The following HGSNAT variants were observed in gnomAD, a reference collection of about 807,000 sequenced individuals.
The protein encoded by HGSNAT is transmembrane protein 76.
In HGSNAT, 59 loss-of-function variants were observed where a neutral mutation model predicts 85.2. That is an observed-to-expected ratio of 0.69 (90% CI 0.56 to 0.86). The LOEUF (loss-of-function observed/expected upper bound fraction) is 0.86, where lower values mean the gene tolerates loss of function less well. HGSNAT is among the 40% of genes least tolerant of loss of function. HGSNAT has a pLI of 0.00. For missense variants in HGSNAT, 756 were observed against 777.1 expected (o/e 0.97, Z 0.32); for synonymous variants, 321 against 304.5 (o/e 1.05, Z -0.56).
At chr8:43,156,870 C>T (rs1586710113) in intron 2 of HGSNAT, among the ~76,000 whole-genome samples, 1 of 151,948 alleles carries the variant, frequency 6.6e-6, no homozygotes, top group Non-Finnish European at 1.5e-5. Flanking sequence ...TCATAGAATA[C>T]CTTTTTCCAT....
intron 11 of HGSNAT, among the ~76,000 whole-genome samples, chr8:43,183,742 C>T (rs1208099183): frequency 6.6e-6 from 1 of 152,118 alleles, no homozygotes; most frequent in Non-Finnish European, 1.5e-5. Context: ...CCCGTTAACT[C>T]GTCATTTACA....
chr8:43,197,104 C>T, intron 15 of HGSNAT, 79 bp downstream of exon 15: 1 of 964,354 alleles, frequency 1.0e-6, no homozygotes, highest in East Asian at 2.6e-5. Flanking sequence ...TGTTTAGCAA[C>T]ACTGAGCTAG....
At chr8:43,197,322 T>G (rs1215656868) in intron 15 of HGSNAT, 7 of 533,338 alleles carry the variant, frequency 1.3e-5, no homozygotes, top group Non-Finnish European at 2.0e-5. Flanking sequence ...ACTGGGCAAA[T>G]CAGACCAGGT....
At chr8:43,170,343 G>A (rs151195566) in intron 6 of HGSNAT, among the ~76,000 whole-genome samples, 1,787 of 152,186 alleles carry the variant, frequency 0.012, 23 homozygotes, top group Non-Finnish European at 0.02. Context: ...AGCCGGACGT[G>A]GTGGCGCATG....
rs146429523 is a variant in HGSNAT, at chr8:43,147,077, C to G, written c.234+14C>G. ...TGCTGTTATCACGTATGTATCAGTT[C>G]ACACTCAGTTCTGTTTGCTTTGGGG... On this transcript the variant is annotated intron_variant, in intron 2 of 17. Coordinates refer to ENST00000379644, the MANE Select transcript of HGSNAT (RefSeq NM_152419.3). 3,138 of 1,460,636 alleles carry G rather than the reference C, an allele frequency of 2.1e-3. 8 individuals carry two copies. Among genetic ancestry groups the G allele is most frequent in the Non-Finnish European group, 1.9e-3 (2,041 of 1,051,316 alleles). The allele number at this position is 1,460,636 out of a possible 1,614,324, so 90.5% of individuals were successfully genotyped here.
intron 11 of HGSNAT, among the ~76,000 whole-genome samples, chr8:43,185,428 GCT>G (rs1403791813): frequency 6.6e-6 from 1 of 152,056 alleles, no homozygotes; most frequent in Non-Finnish European, 1.5e-5. Context: ...TCATGATTTG[GCT>G]CTCTGTTTGT....
intron 1 of HGSNAT, among the ~76,000 whole-genome samples, chr8:43,141,902 C>T (rs182415029): frequency 2.0e-5 from 3 of 152,268 alleles, no homozygotes; most frequent in African/African-American, 7.2e-5. Context: ...TATCAAAGGG[C>T]ACTTACTTTT....
chr8:43,169,200 T>C lies in HGSNAT; in HGVS notation c.591T>C (p.Ser197=), dbSNP rs1355715592. 3.2e-6 allele frequency: 5 copies of C among 1,581,170 alleles called. No homozygotes were observed. The Admixed American group carries it at 5.4e-5, about 17-fold the overall frequency. Reference sequence around the variant, plus strand: ...TGGATGACTTTAACAATTGGATTTCTAAAGCCATAAGTTCTCGAGAAACTG... The same window carrying C: ...TGGATGACTTTAACAATTGGATTTCCAAAGCCATAAGTTCTCGAGAAACTG... ...LSLDDFNNWI[S]KAISSRETDR... is the part of the protein sequence containing the mutation. The change falls in exon 6 of 18, where the codon TCT becomes TCC. Residue 197 remains serine (S), a synonymous_variant. Coordinates refer to ENST00000379644, the MANE Select transcript of HGSNAT (RefSeq NM_152419.3).
At chr8:43,198,527 T>G (rs1804810138) in intron 17 of HGSNAT, among the ~76,000 whole-genome samples, 1 of 152,144 alleles carries the variant, frequency 6.6e-6, no homozygotes, top group Non-Finnish European at 1.5e-5. Flanking sequence ...GACCTCGTGA[T>G]CCGCCCGCCT....
intron 2 of HGSNAT, among the ~76,000 whole-genome samples, chr8:43,151,902 G>A (rs1802933738): frequency 6.6e-6 from 1 of 152,188 alleles, no homozygotes; most frequent in South Asian, 2.1e-4. Flanking sequence ...GAGAAATAAA[G>A]TGACATTTTT....
intron 17 of HGSNAT, 32 bp from the exon 18 acceptor site, chr8:43,199,356 A>G (rs1300065479): frequency 4.1e-6 from 6 of 1,458,546 alleles, no homozygotes; most frequent in Non-Finnish European, 5.7e-6. Flanking sequence ...ATCTGTGAGA[A>G]ACATGATCTT....
intron 2 of HGSNAT, 142 bp downstream of exon 2, chr8:43,147,205 G>A: frequency 1.8e-6 from 1 of 571,348 alleles, no homozygotes; most frequent in Non-Finnish European, 3.0e-6. Flanking sequence ...AGAGTCGGAA[G>A]AAATACAGTC....
chr8:43,140,999 A>C (rs1002744672), intron 1 of HGSNAT, among the ~76,000 whole-genome samples: 2 of 151,780 alleles, frequency 1.3e-5, no homozygotes, highest in African/African-American at 4.8e-5. Flanking sequence ...GGGGGCTCGG[A>C]CTCCCCCTGC....
At chr8:43,183,684 G>A (rs1055991410) in intron 11 of HGSNAT, among the ~76,000 whole-genome samples, 5 of 151,946 alleles carry the variant, frequency 3.3e-5, no homozygotes, top group South Asian at 4.2e-4. Flanking sequence ...TGTGCACAAC[G>A]TGCAGGTTTG....
At chr8:43,165,373 C>T (rs1176139812) in intron 5 of HGSNAT, among the ~76,000 whole-genome samples, 1 of 152,056 alleles carries the variant, frequency 6.6e-6, no homozygotes, top group Non-Finnish European at 1.5e-5. Context: ...ATTTCTCTCC[C>T]TCTCTTTGGG....
intron 11 of HGSNAT, among the ~76,000 whole-genome samples, chr8:43,187,494 G>T (rs1804359111): frequency 6.6e-6 from 1 of 152,228 alleles, no homozygotes; most frequent in African/African-American, 2.4e-5. Flanking sequence ...CCGTTTACCT[G>T]GTAGATCTTC....
At chr8:43,141,583 G>C (rs966813608) in intron 1 of HGSNAT, among the ~76,000 whole-genome samples, 2 of 152,088 alleles carry the variant, frequency 1.3e-5, no homozygotes, top group African/African-American at 4.8e-5. Flanking sequence ...GGGACGGTGG[G>C]AGTCACCTGT....
At chr8:43,166,782 G>A (rs897134899) in intron 5 of HGSNAT, among the ~76,000 whole-genome samples, 21 of 152,226 alleles carry the variant, frequency 1.4e-4, no homozygotes, top group Admixed American at 7.2e-4. Context: ...TTATAAAGCC[G>A]TATAGCTGCC....
intron 1 of HGSNAT, among the ~76,000 whole-genome samples, 174 bp from the exon 2 acceptor site, chr8:43,146,774 C>T (rs544080993): frequency 8.6e-5 from 13 of 151,494 alleles, no homozygotes; most frequent in Admixed American, 2.0e-4. Flanking sequence ...CATGCATGCA[C>T]GCACATATAT....
Sources: allele counts gnomAD v4.1 joint callset (sites outside exome capture counted in the v4.1 genomes callset), GRCh38; gene constraint gnomAD v4.1.1; transcripts MANE v1.5; gene names NCBI Gene and HGNC (gene_info 2026-07-23, HGNC 2026-07-21).